Variants in AGBL4 observed in about 807,000 individuals in gnomAD.
AGBL4 encodes cytosolic carboxypeptidase 6.
A neutral mutation model predicts 66.4 loss-of-function variants in AGBL4; 58 were observed. The observed-to-expected ratio is 0.87, with a 90% CI of 0.71 to 1.09. The LOEUF is 1.09. AGBL4 is among the 50% of genes least tolerant of loss of function. The pLI is 0.00. For synonymous variants in AGBL4, 234 were observed against 222.9 expected (o/e 1.05, Z -0.44); for missense variants, 579 against 631.0 (o/e 0.92, Z 0.88).
intron 3 of AGBL4, among the ~76,000 whole-genome samples, chr1:49,254,119 C>T (rs1009026776): frequency 3.3e-5 from 5 of 152,090 alleles, no homozygotes; most frequent in Non-Finnish European, 7.4e-5. Context: ...GACAAGGATG[C>T]CCTCTCTCAC....
chr1:48,956,653 C>A (rs138073092), intron 5 of AGBL4, among the ~76,000 whole-genome samples: 1 of 152,084 alleles, frequency 6.6e-6, no homozygotes, highest in African/African-American at 2.4e-5. Flanking sequence ...TTCAGTCATT[C>A]AAAAAACATT....
intron 3 of AGBL4, among the ~76,000 whole-genome samples, chr1:49,549,263 T>C (rs1005765412): frequency 6.6e-6 from 1 of 152,008 alleles, no homozygotes; most frequent in African/African-American, 2.4e-5. Context: ...GTATCTTTTT[T>C]TTTTTCAATT....
At chr1:49,648,542 C>A (rs1286199038) in intron 3 of AGBL4, among the ~76,000 whole-genome samples, 1 of 151,726 alleles carries the variant, frequency 6.6e-6, no homozygotes, top group East Asian at 1.9e-4. Context: ...GGATAAATGC[C>A]AGAAAATTAA....
intron 6 of AGBL4, among the ~76,000 whole-genome samples, chr1:48,803,302 A>G (rs1191475125): frequency 6.6e-6 from 1 of 152,210 alleles, no homozygotes; most frequent in Non-Finnish European, 1.5e-5. Context: ...CAAGTCTGGC[A>G]TTGAAAAGAG....
At chr1:49,796,068 T>C (rs1207399439) in intron 2 of AGBL4, among the ~76,000 whole-genome samples, 1 of 151,870 alleles carries the variant, frequency 6.6e-6, no homozygotes. Context: ...AGAGCTCAAA[T>C]ATACCACCAG....
At chr1:48,887,885 C>G (rs1650528405) in intron 5 of AGBL4, among the ~76,000 whole-genome samples, 1 of 152,138 alleles carries the variant, frequency 6.6e-6, no homozygotes, top group South Asian at 2.1e-4. Flanking sequence ...TAGAATCTGG[C>G]AAAGGGCCTG....
At chr1:49,205,763 G>A (rs1648084244) in intron 4 of AGBL4, among the ~76,000 whole-genome samples, 1 of 152,064 alleles carries the variant, frequency 6.6e-6, no homozygotes, top group Non-Finnish European at 1.5e-5. Context: ...GTTGCATAAT[G>A]TTAATACATT....
At chr1:50,007,573 G>C (rs1661229936) in intron 1 of AGBL4, among the ~76,000 whole-genome samples, 1 of 152,040 alleles carries the variant, frequency 6.6e-6, no homozygotes, top group African/African-American at 2.4e-5. Context: ...GACCAGCCTG[G>C]GCAACAAAGT....
At chr1:49,844,599 A>G (rs756950207) in intron 2 of AGBL4, 2 of 1,274,652 alleles carry the variant, frequency 1.6e-6, no homozygotes, top group Non-Finnish European at 2.1e-6. Flanking sequence ...TTTCAAAATC[A>G]TTAGTTTCAT....
At chr1:48,639,809 A>G (rs1274634244) in intron 8 of AGBL4, among the ~76,000 whole-genome samples, 1 of 152,236 alleles carries the variant, frequency 6.6e-6, no homozygotes, top group Non-Finnish European at 1.5e-5. Flanking sequence ...GTCAGCAATT[A>G]TGCATATTTC....
At chr1:48,835,579 C>T (rs1646653076) in intron 6 of AGBL4, among the ~76,000 whole-genome samples, 1 of 152,034 alleles carries the variant, frequency 6.6e-6, no homozygotes, top group African/African-American at 2.4e-5. Flanking sequence ...GTAGGTAGTA[C>T]TAGAGTGAAG....
chr1:49,147,834 G>T (rs147277680), intron 4 of AGBL4, among the ~76,000 whole-genome samples: 2 of 151,078 alleles, frequency 1.3e-5, no homozygotes, highest in Non-Finnish European at 2.9e-5. Flanking sequence ...GGGAAGGAGA[G>T]GGGGGGTGAC....
chr1:48,960,252 A>G (rs761048668), intron 5 of AGBL4, among the ~76,000 whole-genome samples: 1 of 152,156 alleles, frequency 6.6e-6, no homozygotes, highest in African/African-American at 2.4e-5. Flanking sequence ...GGAATAAAAG[A>G]TGATTTCAAA....
intron 3 of AGBL4, among the ~76,000 whole-genome samples, chr1:49,364,705 T>C (rs535224642): frequency 1.3e-5 from 2 of 152,312 alleles, no homozygotes; most frequent in East Asian, 1.9e-4. Flanking sequence ...CTTGAACTCC[T>C]GGCCTCAAGT....
At chr1:49,604,698 G>T (rs2124189768) in intron 3 of AGBL4, among the ~76,000 whole-genome samples, 1 of 152,178 alleles carries the variant, frequency 6.6e-6, no homozygotes, top group African/African-American at 2.4e-5. Flanking sequence ...AAATGGGTCA[G>T]GTCAGGAGGT....
Position 49,689,469 on chromosome 1 carries a change from C to T in AGBL4, c.282+7844G>A, listed in dbSNP as rs192518703. Among the ~76,000 whole-genome samples, 17 of 152,270 alleles carry T rather than the reference C, an allele frequency of 1.1e-4. No individual in the cohort carries two copies. In the East Asian group the frequency reaches 3.1e-3, roughly 28 times the overall value. On this transcript the variant is annotated intron_variant, in intron 3 of 13. Coordinates refer to ENST00000371839, the MANE Select transcript of AGBL4 (RefSeq NM_032785.4). ...TGCCAGTACCATGCTGCTTTGGTTACTATAGCTCTGCAGTATAATTTGAAG... is the reference window on the plus strand; with the variant it reads ...TGCCAGTACCATGCTGCTTTGGTTATTATAGCTCTGCAGTATAATTTGAAG...
chr1:48,572,981 G>A (rs1323886580), intron 11 of AGBL4, among the ~76,000 whole-genome samples: 2 of 152,184 alleles, frequency 1.3e-5, no homozygotes, highest in African/African-American at 4.8e-5. Flanking sequence ...GTATCCTTCT[G>A]ATGGAGCTAG....
chr1:49,153,315 T>G (rs1646373310), intron 4 of AGBL4, among the ~76,000 whole-genome samples: 1 of 152,034 alleles, frequency 6.6e-6, no homozygotes, highest in South Asian at 2.1e-4. Context: ...AGGTTCTGCT[T>G]GAAATTCAAC....
chr1:49,870,424 AT>A (rs927384101), intron 1 of AGBL4, among the ~76,000 whole-genome samples: 4 of 151,980 alleles, frequency 2.6e-5, no homozygotes, highest in African/African-American at 7.2e-5. Flanking sequence ...ACATTTTTAA[AT>A]AACTAAAAGA....
Sources: gnomAD v4.1 joint callset for allele counts (sites outside exome capture counted in the v4.1 genomes callset) on GRCh38, gnomAD v4.1.1 for gene constraint, MANE v1.5 for transcripts, NCBI Gene and HGNC (gene_info 2026-07-23, HGNC 2026-07-21) for gene names.